DLGAP2: variants seen among roughly 807,000 people sequenced by gnomAD.
DLGAP2 encodes DLG associated protein 2.
Under a neutral mutation model 100.3 loss-of-function variants are expected in DLGAP2, and 26 were observed. The ratio of observed to expected loss-of-function variants is 0.26; its 90% CI spans 0.19 to 0.36. The LOEUF (loss-of-function observed/expected upper bound fraction) is 0.36, where lower values mean the gene tolerates loss of function less well. Among genes scored for constraint, DLGAP2 ranks in the 10% least tolerant of loss-of-function variants. DLGAP2 has a pLI of 1.00. For missense variants in DLGAP2, 1,858 were observed against 1,453.2 expected (o/e 1.28, Z -4.53); for synonymous variants, 886 against 630.1 (o/e 1.41, Z -6.08).
At position 1,653,502 on chromosome 8, in the gene DLGAP2, A is replaced by C. The variant is rs569490940; in HGVS notation, c.1811-14827A>C. 5.7e-4 allele frequency among the ~76,000 whole-genome samples: 87 copies of C among 152,316 alleles called. 1 individual carries two copies. Among genetic ancestry groups the C allele is most frequent in the African/African-American group, 1.9e-3 (80 of 41,578 alleles). Reference sequence around the variant, plus strand: ...AGCTAGCTCAAACTGATGCTTACTGATCCACATAGGCTCTGGAGGTTCACA... The same window carrying C: ...AGCTAGCTCAAACTGATGCTTACTGCTCCACATAGGCTCTGGAGGTTCACA... On this transcript the variant is annotated intron_variant, in intron 8 of 14. Transcript: ENST00000637795.
intron 2 of DLGAP2, among the ~76,000 whole-genome samples, chr8:1,063,175 C>G (rs914327845): frequency 2.6e-5 from 4 of 152,220 alleles, no homozygotes; most frequent in Admixed American, 2.6e-4. Context: ...GACTGATACG[C>G]CGCAAAGTGC....
chr8:1,323,889 G>T (rs944382002), intron 3 of DLGAP2, among the ~76,000 whole-genome samples: 2 of 152,160 alleles, frequency 1.3e-5, no homozygotes, highest in South Asian at 4.1e-4. Flanking sequence ...CATGGATCAC[G>T]TTTCCTAATT....
At position 1,554,308 on chromosome 8, in the gene DLGAP2, A is replaced by T. The variant is rs12334523; in HGVS notation, c.1230+4625A>T. On this transcript the variant is annotated intron_variant, in intron 5 of 14. Coordinates refer to ENST00000637795, the MANE Select transcript of DLGAP2 (RefSeq NM_001346810.2). ...ATCTCTAAATAAATAAATTAATTAA[A>T]TAAATAAATAAATAAATAAAATGGT... 5.0e-3 allele frequency among the ~76,000 whole-genome samples: 191 copies of T among 38,060 alleles called. 5 individuals are homozygous for T. The South Asian group carries it at 0.12, about 23-fold the overall frequency. 25.0% of individuals were successfully genotyped at this position (38,060 alleles called of 152,430 possible).
At chr8:973,479 G>C (rs548222992) in intron 2 of DLGAP2, among the ~76,000 whole-genome samples, 1 of 152,192 alleles carries the variant, frequency 6.6e-6, no homozygotes, top group South Asian at 2.1e-4. Flanking sequence ...CAGACGGGGT[G>C]GTGGGGCAGG....
intron 1 of DLGAP2, among the ~76,000 whole-genome samples, chr8:782,107 G>T (rs1400321301): frequency 6.6e-6 from 1 of 152,098 alleles, no homozygotes; most frequent in African/African-American, 2.4e-5. Flanking sequence ...AAAGATGAAT[G>T]AGGTGAAAGA....
At chr8:1,143,645 G>C (rs1404432784) in intron 2 of DLGAP2, among the ~76,000 whole-genome samples, 1 of 152,182 alleles carries the variant, frequency 6.6e-6, no homozygotes, top group Non-Finnish European at 1.5e-5. Context: ...TTCAGAACGG[G>C]CCTCTCCTTC....
At chr8:1,224,258 A>G (rs1469855283) in intron 2 of DLGAP2, among the ~76,000 whole-genome samples, 1 of 152,240 alleles carries the variant, frequency 6.6e-6, no homozygotes, top group East Asian at 1.9e-4. Context: ...AAGAGGGAAT[A>G]TCAGGATGAG....
At chr8:1,691,512 G>C in intron 12 of DLGAP2, 23 bp from the exon 13 acceptor site, 25 of 1,596,942 alleles carry the variant, frequency 1.6e-5, no homozygotes, top group Non-Finnish European at 2.1e-5. Context: ...TTGTTTTTTT[G>C]TTTTTGTTTT....
intron 3 of DLGAP2, among the ~76,000 whole-genome samples, chr8:1,291,898 A>G (rs1800068307): frequency 6.6e-6 from 1 of 152,168 alleles, no homozygotes; most frequent in Admixed American, 6.5e-5. Flanking sequence ...CCCTTGACTA[A>G]CTTTTGACTA....
chr8:1,097,118 A>G (rs112497271), intron 2 of DLGAP2, among the ~76,000 whole-genome samples: 900 of 80,506 alleles, frequency 0.011, 51 homozygotes, highest in African/African-American at 0.031. Context: ...CTGGGAGCCC[A>G]GGGCAGGCCT....
At chr8:1,166,726 A>T (rs1056097057) in intron 2 of DLGAP2, among the ~76,000 whole-genome samples, 1 of 152,198 alleles carries the variant, frequency 6.6e-6, no homozygotes, top group African/African-American at 2.4e-5. Flanking sequence ...AAAACATCAC[A>T]GTTTACCTCT....
chr8:748,231 G>A (rs111898997), intron 1 of DLGAP2, among the ~76,000 whole-genome samples: 1 of 140,882 alleles, frequency 7.1e-6, no homozygotes, highest in Non-Finnish European at 1.6e-5. Flanking sequence ...GGTCTGCGGT[G>A]GGATGGGCGG....
At chr8:902,508 G>A (rs917772544) in intron 1 of DLGAP2, among the ~76,000 whole-genome samples, 13 of 145,224 alleles carry the variant, frequency 9.0e-5, no homozygotes, top group East Asian at 6.3e-4. Flanking sequence ...GGTGCCCTGC[G>A]TGAGGGTGAC....
chr8:904,606 C>G (rs1217135329), intron 1 of DLGAP2, among the ~76,000 whole-genome samples: 3 of 152,192 alleles, frequency 2.0e-5, no homozygotes, highest in Non-Finnish European at 4.4e-5. Context: ...TGTGATTCTG[C>G]TTTCCTCAGA....
chr8:1,473,801 G>A (rs11995699), intron 3 of DLGAP2, among the ~76,000 whole-genome samples: 75,887 of 151,862 alleles, frequency 0.5, 18,996 homozygotes, highest in Admixed American at 0.57. Context: ...ATGATTTTCT[G>A]AGGGGTTTCC....
intron 2 of DLGAP2, among the ~76,000 whole-genome samples, chr8:1,254,983 T>C (rs1199560973): frequency 2.1e-4 from 27 of 129,226 alleles, no homozygotes; most frequent in Middle Eastern, 4.4e-3. Context: ...GTCCGGGTGC[T>C]GTGTGTGTGT....
chr8:1,131,918 A>G (rs1373521596), intron 2 of DLGAP2, among the ~76,000 whole-genome samples: 1 of 152,174 alleles, frequency 6.6e-6, no homozygotes, highest in Non-Finnish European at 1.5e-5. Context: ...TACCTTAATT[A>G]GAATGTTTGT....
At chr8:1,141,631 G>T (rs1407828204) in intron 2 of DLGAP2, among the ~76,000 whole-genome samples, 1 of 152,060 alleles carries the variant, frequency 6.6e-6, no homozygotes, top group Non-Finnish European at 1.5e-5. Flanking sequence ...TCAAAGACAT[G>T]GGTAAGTATT....
At chr8:827,511 C>A (rs760074487) in intron 1 of DLGAP2, among the ~76,000 whole-genome samples, 2 of 152,152 alleles carry the variant, frequency 1.3e-5, no homozygotes, top group Non-Finnish European at 2.9e-5. Context: ...ACGTGTATAA[C>A]GCTTTCTTCA....
Sources: gnomAD v4.1 joint callset for allele counts (sites outside exome capture counted in the v4.1 genomes callset) on GRCh38, gnomAD v4.1.1 for gene constraint, MANE v1.5 for transcripts, NCBI Gene and HGNC (gene_info 2026-07-23, HGNC 2026-07-21) for gene names.